Variants in ECE1 observed in about 807,000 individuals in gnomAD.
ECE1 encodes the protein endothelin converting enzyme 1.
In ECE1, 35 loss-of-function variants were observed where a neutral mutation model predicts 98.6. That is an observed-to-expected ratio of 0.35 (90% CI 0.27 to 0.47). ECE1 has a LOEUF of 0.47. ECE1 is among the 20% of genes least tolerant of loss of function. The pLI is 1.00. For missense variants in ECE1, 814 were observed against 1,025.3 expected (o/e 0.79, Z 2.81); for synonymous variants, 394 against 407.1 (o/e 0.97, Z 0.39).
At chr1:21,263,482 G>A (rs186462848) in intron 4 of ECE1, among the ~76,000 whole-genome samples, 17 of 151,468 alleles carry the variant, frequency 1.1e-4, no homozygotes, top group African/African-American at 3.2e-4. Context: ...TCAGCCTCCC[G>A]AGTAGCTGGG....
chr1:21,227,593 T>C (rs767800754), intron 15 of ECE1, among the ~76,000 whole-genome samples: 2 of 152,150 alleles, frequency 1.3e-5, no homozygotes, highest in African/African-American at 2.4e-5. Flanking sequence ...GACCACACAA[T>C]CATCCAATAG....
At chr1:21,316,231 C>CAGATAAAT (rs1409015292) in intron 1 of ECE1, among the ~76,000 whole-genome samples, 3 of 152,162 alleles carry the variant, frequency 2.0e-5, no homozygotes, top group Non-Finnish European at 4.4e-5. Flanking sequence ...AGTGAGGAAT[C>CAGATAAAT]CCATGATGCC....
At chr1:21,331,451 G>A (rs1052323345) in intron 1 of ECE1, among the ~76,000 whole-genome samples, 1 of 152,052 alleles carries the variant, frequency 6.6e-6, no homozygotes, top group African/African-American at 2.4e-5. Context: ...GTATGGTGGT[G>A]CACGCTTGTA....
At chr1:21,251,658 C>A in intron 8 of ECE1, among the ~76,000 whole-genome samples, 1 of 152,216 alleles carries the variant, frequency 6.6e-6, no homozygotes, top group Non-Finnish European at 1.5e-5. Flanking sequence ...CCAGTGCATC[C>A]CTGCCAGCTA....
intron 1 of ECE1, among the ~76,000 whole-genome samples, chr1:21,326,442 C>T (rs1215803306): frequency 6.6e-6 from 1 of 152,006 alleles, no homozygotes; most frequent in African/African-American, 2.4e-5. Context: ...GACCCAGGTC[C>T]AGGGTCTAAG....
chr1:21,279,652 A>C, intron 2 of ECE1: 2 of 1,418,026 alleles, frequency 1.4e-6, no homozygotes, highest in African/African-American at 1.4e-5. Context: ...AGTTCAAAAA[A>C]GAACAGGATG....
intron 17 of ECE1, among the ~76,000 whole-genome samples, chr1:21,224,657 C>G (rs1048330583): frequency 2.6e-5 from 4 of 152,132 alleles, no homozygotes; most frequent in African/African-American, 7.2e-5. Context: ...CAGACACCTA[C>G]TGTTTTTCTC....
chr1:21,289,004 C>A (rs952024330), intron 2 of ECE1, among the ~76,000 whole-genome samples: 17 of 152,208 alleles, frequency 1.1e-4, no homozygotes, highest in Non-Finnish European at 1.9e-4. Flanking sequence ...GGAGGAGGAA[C>A]TCCATCAATG....
chr1:21,283,236 C>T (rs1015017791), intron 2 of ECE1, among the ~76,000 whole-genome samples: 13 of 151,608 alleles, frequency 8.6e-5, no homozygotes, highest in African/African-American at 2.7e-4. Context: ...TGAGCCACAG[C>T]GCCCGGCCCA....
At chr1:21,286,915 CAAAAAAAAGAAAA>C (rs999639634) in intron 2 of ECE1, among the ~76,000 whole-genome samples, 155 of 120,094 alleles carry the variant, frequency 1.3e-3, no homozygotes, top group African/African-American at 4.9e-3. Context: ...GACCTTGTCT[CAAAAAAAAGAAAA>C]AAAAAAAAGA....
Position 21,225,563 on chromosome 1 carries a change from G to A in ECE1, c.1850-123C>T, listed in dbSNP as rs2098173072. On this transcript the variant is annotated intron_variant, in intron 16 of 18. Coordinates refer to ENST00000374893, the MANE Select transcript of ECE1 (RefSeq NM_001397.3). The surrounding 1 kb of genome is among the most constrained non-coding windows in gnomAD (Gnocchi z 5.3). ...ACCCCCGTCCTCCAGCCACCATGGG[G>A]AGACGAGGTCCCTGTGAGTGCCGAG... The A allele has an allele frequency of 8.8e-7, 1 of 1,140,462 alleles. No homozygotes were observed. The highest frequency in any genetic ancestry group is 1.5e-5 in the African/African-American group (1 of 65,372). The allele number at this position is 1,140,462 out of a possible 1,614,324, so 70.6% of individuals were successfully genotyped here. A position where few individuals can be genotyped will look rare whatever the true frequency, so the allele number is the denominator to read the frequency against.
intron 1 of ECE1, among the ~76,000 whole-genome samples, chr1:21,333,504 A>G (rs986292018): frequency 6.6e-6 from 1 of 152,206 alleles, no homozygotes; most frequent in Non-Finnish European, 1.5e-5. Context: ...GCCAGCACGC[A>G]GCCATTCTTT....
In ECE1 at chr1:21,239,718, G is replaced by A. The variant is rs373348857; in HGVS notation, c.1279-1474C>T. 3.9e-5 allele frequency among the ~76,000 whole-genome samples: 6 copies of A among 152,272 alleles called. No individual in the cohort carries two copies. In the South Asian group the frequency reaches 1.2e-3, roughly 32 times the overall value. ...CATGAGGGTACCTGCTGCTCAGAGG[G>A]CGCTGGACAAATGGATGATGGGAAT... On this transcript the variant is annotated intron_variant, in intron 10 of 18. Coordinates refer to ENST00000374893, the MANE Select transcript of ECE1 (RefSeq NM_001397.3).
chr1:21,309,782 CT>C (rs1223419250), intron 1 of ECE1, among the ~76,000 whole-genome samples: 20,619 of 129,908 alleles, frequency 0.16, 1,696 homozygotes, highest in East Asian at 0.34. Flanking sequence ...TTTTTTCTTT[CT>C]TTTTTTTTTT....
At chr1:21,238,043 G>T in intron 11 of ECE1, 91 bp downstream of exon 11, 1 of 1,203,282 alleles carries the variant, frequency 8.3e-7, no homozygotes, top group Non-Finnish European at 1.2e-6. Flanking sequence ...AGCAGGAAAG[G>T]CCCAGGGTGG....
intron 2 of ECE1, among the ~76,000 whole-genome samples, chr1:21,288,991 C>T (rs2098263542): frequency 1.3e-5 from 2 of 152,140 alleles, no homozygotes; most frequent in Admixed American, 6.5e-5. Flanking sequence ...CCTATGTGAC[C>T]CTGGAGGAGG....
intron 2 of ECE1, among the ~76,000 whole-genome samples, chr1:21,281,399 G>T (rs1260739179): frequency 6.6e-6 from 1 of 152,226 alleles, no homozygotes; most frequent in Admixed American, 6.5e-5. Flanking sequence ...ACTTCAGGCT[G>T]TGAGGGCCTG....
intron 1 of ECE1, among the ~76,000 whole-genome samples, chr1:21,315,469 T>G (rs964645376): frequency 6.6e-6 from 1 of 152,248 alleles, no homozygotes; most frequent in East Asian, 1.9e-4. Context: ...TGGAAAGTCC[T>G]AGGGGCTTGT....
chr1:21,298,142 G>A (rs752813140), intron 1 of ECE1: 1 of 157,224 alleles, frequency 6.4e-6, no homozygotes, highest in Non-Finnish European at 1.4e-5. Context: ...GCTTGGCCTG[G>A]GCAGGACTTT....
Sources: allele counts gnomAD v4.1 joint callset (sites outside exome capture counted in the v4.1 genomes callset), GRCh38; gene constraint gnomAD v4.1.1; non-coding constraint Gnocchi (gnomAD v3.1); transcripts MANE v1.5; gene names NCBI Gene and HGNC (gene_info 2026-07-23, HGNC 2026-07-21).